The following SOS2 variants were observed in gnomAD, a reference collection of about 807,000 sequenced individuals.
SOS2 encodes son of sevenless homolog 2.
In SOS2, 65 loss-of-function variants were observed where a neutral mutation model predicts 148.2. That is an observed-to-expected ratio of 0.44 (90% CI 0.36 to 0.54). SOS2 has a LOEUF of 0.54. Ranked by LOEUF, SOS2 falls within the 20% of genes least tolerant of loss-of-function variation. The probability of loss-of-function intolerance (pLI) is 0.00; values close to 1 mark genes in which losing one functional copy is unlikely to be tolerated. For missense variants in SOS2, 1,341 were observed against 1,590.2 expected (o/e 0.84, Z 2.67); for synonymous variants, 539 against 537.1 (o/e 1.00, Z -0.05).
chr14:50,156,963 GTA>G lies in SOS2; in HGVS notation c.2057+34_2057+35del, dbSNP rs374223259. The G allele has an allele frequency of 8.9e-3, 8,967 of 1,012,112 alleles. 692 individuals are homozygous for G. Among genetic ancestry groups the G allele is most frequent in the South Asian group, 0.022 (1,375 of 62,530 alleles). 62.7% of individuals were successfully genotyped at this position (1,012,112 alleles called of 1,614,324 possible). A position where few individuals can be genotyped will look rare whatever the true frequency, so the allele number is the denominator to read the frequency against. Reference sequence around the variant, plus strand: ...TGTGTGTGTGTGTGTATATATATGTGTATATATATATATATAAAAAATATTCA... The same window carrying G: ...TGTGTGTGTGTGTGTATATATATGTGTATATATATATATAAAAAATATTCA... On this transcript the variant is annotated intron_variant, in intron 12 of 22. Transcript: ENST00000216373.
At chr14:50,145,694 G>C in intron 14 of SOS2, 98 bp from the exon 15 acceptor site, 8 of 737,546 alleles carry the variant, frequency 1.1e-5, no homozygotes, top group Non-Finnish European at 1.8e-5. Context: ...TAACCCAAAA[G>C]ACAGATGAAC....
intron 16 of SOS2, among the ~76,000 whole-genome samples, chr14:50,144,237 T>A (rs1418757470): frequency 1.3e-5 from 2 of 151,954 alleles, no homozygotes; most frequent in Non-Finnish European, 2.9e-5. Flanking sequence ...AAAACCTTGA[T>A]GCCATTAAAA....
At chr14:50,150,596 C>A (rs74482626) in intron 13 of SOS2, among the ~76,000 whole-genome samples, 1,638 of 147,160 alleles carry the variant, frequency 0.011, 29 homozygotes, top group African/African-American at 0.038. Flanking sequence ...GGGTCTTGCT[C>A]TGTGGCCCAG....
chr14:50,173,621 C>T (rs1214371134), intron 8 of SOS2, among the ~76,000 whole-genome samples: 1 of 152,054 alleles, frequency 6.6e-6, no homozygotes, highest in African/African-American at 2.4e-5. Flanking sequence ...CGGGGTTTCA[C>T]CATGTTAGCC....
intron 1 of SOS2, among the ~76,000 whole-genome samples, chr14:50,229,032 C>G (rs1030673696): frequency 6.6e-6 from 1 of 152,074 alleles, no homozygotes; most frequent in Non-Finnish European, 1.5e-5. Flanking sequence ...GACAGAGACT[C>G]CCCCAAAATG....
intron 7 of SOS2, 51 bp from the exon 8 acceptor site, chr14:50,174,603 T>A: frequency 9.0e-7 from 1 of 1,106,504 alleles, no homozygotes; most frequent in Non-Finnish European, 1.3e-6. Flanking sequence ...ATCAAGGATA[T>A]GCAACAGCAG....
chr14:50,209,355 T>C (rs1886787780), intron 1 of SOS2, among the ~76,000 whole-genome samples: 1 of 146,858 alleles, frequency 6.8e-6, no homozygotes, highest in Non-Finnish European at 1.5e-5. Context: ...GAAGAATCCA[T>C]GCACCCATGG....
intron 5 of SOS2, among the ~76,000 whole-genome samples, chr14:50,186,795 T>C (rs1885925976): frequency 6.6e-6 from 1 of 152,198 alleles, no homozygotes; most frequent in Admixed American, 6.5e-5. Context: ...ATAAACATTG[T>C]TAAACTAAAC....
At chr14:50,143,287 T>C (rs901193873) in intron 16 of SOS2, among the ~76,000 whole-genome samples, 3 of 140,918 alleles carry the variant, frequency 2.1e-5, no homozygotes, top group Admixed American at 1.5e-4. Context: ...ATCATGCCAC[T>C]GGCACTCCAG....
intron 4 of SOS2, among the ~76,000 whole-genome samples, chr14:50,198,728 T>C (rs1050059632): frequency 6.6e-6 from 1 of 152,238 alleles, no homozygotes; most frequent in Non-Finnish European, 1.5e-5. Flanking sequence ...GTGCTAAAGT[T>C]CATTACTTTC....
chr14:50,215,459 C>T (rs1887016871), intron 1 of SOS2: 1 of 1,258,342 alleles, frequency 7.9e-7, no homozygotes, highest in Admixed American at 2.7e-5. Context: ...CATAAAATTA[C>T]CACGACAGAA....
At chr14:50,144,270 A>G (rs559194980) in intron 16 of SOS2, among the ~76,000 whole-genome samples, 1 of 152,168 alleles carries the variant, frequency 6.6e-6, no homozygotes, top group Middle Eastern at 3.4e-3. Context: ...AGATAAGCTA[A>G]TAAAAAAATA....
chr14:50,203,784 G>C (rs952756065), intron 2 of SOS2, among the ~76,000 whole-genome samples: 3 of 150,950 alleles, frequency 2.0e-5, no homozygotes, highest in Non-Finnish European at 4.4e-5. Context: ...AACTGACATA[G>C]AGAACATTTT....
At chr14:50,134,616 G>T (rs893222316) in intron 18 of SOS2, among the ~76,000 whole-genome samples, 3 of 152,014 alleles carry the variant, frequency 2.0e-5, no homozygotes, top group Admixed American at 2.0e-4. Context: ...CAAAGCTATG[G>T]TTATAATCCA....
chr14:50,188,746 T>C (rs1188073424), intron 4 of SOS2, 46 bp from the exon 5 acceptor site: 1 of 1,285,104 alleles, frequency 7.8e-7, no homozygotes, highest in Non-Finnish European at 1.1e-6. Context: ...TTCTTTACTT[T>C]TATAAAAACT....
chr14:50,166,903 A>G (rs1368341261), intron 8 of SOS2, among the ~76,000 whole-genome samples: 1 of 152,158 alleles, frequency 6.6e-6, no homozygotes, highest in Non-Finnish European at 1.5e-5. Flanking sequence ...GTGGGAAATT[A>G]AATCCATTAA....
chr14:50,174,379 T>G, intron 8 of SOS2, 75 bp downstream of exon 8: 1 of 627,068 alleles, frequency 1.6e-6, no homozygotes, highest in Non-Finnish European at 2.7e-6. Flanking sequence ...TGGTACTGTG[T>G]GTCTCCAAAA....
chr14:50,222,786 G>C (rs1445465022), intron 1 of SOS2, among the ~76,000 whole-genome samples: 1 of 152,162 alleles, frequency 6.6e-6, no homozygotes, highest in African/African-American at 2.4e-5. Flanking sequence ...AGACTGCAGA[G>C]GGCCTAGTAA....
At chr14:50,171,413 C>T (rs768756382) in intron 8 of SOS2, among the ~76,000 whole-genome samples, 2 of 151,520 alleles carry the variant, frequency 1.3e-5, no homozygotes, top group Non-Finnish European at 2.9e-5. Flanking sequence ...CAGCCAGGCG[C>T]GGTGGCTCAC....
Sources: gnomAD v4.1 joint callset for allele counts (sites outside exome capture counted in the v4.1 genomes callset) on GRCh38, gnomAD v4.1.1 for gene constraint, MANE v1.5 for transcripts, NCBI Gene and HGNC (gene_info 2026-07-23, HGNC 2026-07-21) for gene names.